MARCHF10: variants seen among roughly 807,000 people sequenced by gnomAD.
The protein encoded by MARCHF10 is probable E3 ubiquitin-protein ligase MARCHF10.
In MARCHF10, 64 loss-of-function variants were observed where a neutral mutation model predicts 76.2. The observed-to-expected ratio is 0.84, with a 90% confidence interval of 0.69 to 1.03. MARCHF10 has a LOEUF of 1.03. MARCHF10 is among the 50% of genes least tolerant of loss of function. The pLI is 0.00. For missense variants in MARCHF10, 875 were observed against 958.0 expected, an observed-to-expected ratio of 0.91 and a Z score of 1.14; for synonymous variants, 340 against 357.5, an observed-to-expected ratio of 0.95 and a Z score of 0.55.
intron 7 of MARCHF10, among the ~76,000 whole-genome samples, chr17:62,723,414 G>A (rs2090588755): frequency 6.6e-6 from 1 of 151,938 alleles, no homozygotes; most frequent in African/African-American, 2.4e-5. Flanking sequence ...TTACCTGCAT[G>A]TATTTGGTAA....
intron 1 of MARCHF10, 41 bp from the exon 2 acceptor site, chr17:62,801,793 T>G (rs1220781245): frequency 7.5e-6 from 10 of 1,335,688 alleles, no homozygotes; most frequent in Non-Finnish European, 1.1e-5. Flanking sequence ...GTTAGAGTCC[T>G]TTGTCGTGAT....
intron 4 of MARCHF10, among the ~76,000 whole-genome samples, chr17:62,751,175 G>A (rs1163508806): frequency 3.3e-5 from 5 of 152,264 alleles, no homozygotes; most frequent in East Asian, 1.9e-4. Flanking sequence ...GGCAGAATAC[G>A]GGTGCCTGAT....
intron 4 of MARCHF10, among the ~76,000 whole-genome samples, chr17:62,750,998 C>A (rs1187586114): frequency 3.3e-5 from 5 of 152,074 alleles, no homozygotes; most frequent in Non-Finnish European, 7.4e-5. Context: ...CTTTCTGCTG[C>A]GGAGGGGAAG....
chr17:62,771,318 C>T (rs2092442028), intron 3 of MARCHF10, among the ~76,000 whole-genome samples: 1 of 151,852 alleles, frequency 6.6e-6, no homozygotes, highest in South Asian at 2.1e-4. Context: ...GAAGTGACCT[C>T]AGCTGCAATC....
intron 3 of MARCHF10, among the ~76,000 whole-genome samples, chr17:62,786,878 C>T (rs1176756642): frequency 2.0e-5 from 3 of 152,178 alleles, no homozygotes; most frequent in Non-Finnish European, 4.4e-5. Context: ...TGCAGAGGCA[C>T]CCAGATGCCC....
At chr17:62,717,436 G>C (rs1369901722) in intron 8 of MARCHF10, among the ~76,000 whole-genome samples, 1 of 152,254 alleles carries the variant, frequency 6.6e-6, no homozygotes, top group Non-Finnish European at 1.5e-5. Context: ...AGCAATGACT[G>C]TGCTGGATGC....
At position 62,801,720 on chromosome 17, in the gene MARCHF10, T is replaced by C; in HGVS notation, c.16A>G (p.Arg6Gly). ...TCGCTGAAGAACTTCTGCCTGTCCC[T>C]TGCGTCATGCAACATGATTCCTAAT... Reference protein sequence around the residue: MLHDARDRQKFFSDVQ... With the variant: MLHDAGDRQKFFSDVQ... Residue 6 changes from arginine (R) to glycine (G), a missense_variant, in exon 2 of 11, where the codon AGG (arginine) becomes GGG (glycine). Physicochemically the swap from Arg to Gly is moderately radical, Grantham distance 125. Coordinates refer to ENST00000311269, the MANE Select transcript of MARCHF10 (RefSeq NM_152598.4). 3 of 1,614,100 alleles carry C rather than the reference T, an allele frequency of 1.9e-6. No individual in the cohort carries two copies. Among genetic ancestry groups the C allele is most frequent in the Non-Finnish European group, 2.5e-6 (3 of 1,179,942 alleles).
chr17:62,804,589 T>G (rs955625901), intron 1 of MARCHF10, among the ~76,000 whole-genome samples: 1 of 152,148 alleles, frequency 6.6e-6, no homozygotes, highest in Non-Finnish European at 1.5e-5. Context: ...CTGGGAGGGC[T>G]GCAGAAGGTT....
intron 2 of MARCHF10, among the ~76,000 whole-genome samples, chr17:62,792,135 C>G (rs978927623): frequency 1.3e-5 from 2 of 151,932 alleles, no homozygotes; most frequent in Admixed American, 6.6e-5. Context: ...CCCCCCACCC[C>G]CCTAGTGCGT....
intron 3 of MARCHF10, among the ~76,000 whole-genome samples, chr17:62,771,727 C>T (rs2092451902): frequency 6.6e-6 from 1 of 152,052 alleles, no homozygotes; most frequent in South Asian, 2.1e-4. Flanking sequence ...CAGGCGCACA[C>T]CACCATGCCC....
chr17:62,785,208 C>T (rs1429076411), intron 3 of MARCHF10, among the ~76,000 whole-genome samples: 1 of 152,138 alleles, frequency 6.6e-6, no homozygotes, highest in Non-Finnish European at 1.5e-5. Flanking sequence ...AAAGAGGCCT[C>T]AGAAATAACA....
intron 2 of MARCHF10, among the ~76,000 whole-genome samples, chr17:62,800,914 C>T (rs2093060872): frequency 6.6e-6 from 1 of 152,132 alleles, no homozygotes; most frequent in African/African-American, 2.4e-5. Flanking sequence ...ATGTGCAAAC[C>T]ACCTTTCTTC....
intron 10 of MARCHF10, chr17:62,703,272 C>T (rs1048535642): frequency 1.3e-5 from 2 of 152,344 alleles, no homozygotes; most frequent in Admixed American, 1.3e-4. Flanking sequence ...TCCTGTGTAC[C>T]TCAACCGAGC....
intron 3 of MARCHF10, chr17:62,780,898 G>A (rs2092646499): frequency 6.6e-6 from 1 of 152,120 alleles, no homozygotes; most frequent in Non-Finnish European, 1.5e-5. Context: ...GGAAATCGGG[G>A]CTCCTGTCCC....
At chr17:62,775,215 T>G (rs1461113081) in intron 3 of MARCHF10, among the ~76,000 whole-genome samples, 1 of 149,626 alleles carries the variant, frequency 6.7e-6, no homozygotes, top group African/African-American at 2.5e-5. Flanking sequence ...AACCTCTGCC[T>G]CTCGGGTTCA....
At chr17:62,759,787 A>G (rs761862966) in intron 4 of MARCHF10, 48 bp downstream of exon 4, 1 of 1,585,330 alleles carries the variant, frequency 6.3e-7, no homozygotes, top group Non-Finnish European at 8.6e-7. Flanking sequence ...TGTTATTTTT[A>G]ATACCGGGAT....
At position 62,722,548 on chromosome 17, in the gene MARCHF10, C is replaced by T. The variant is rs770359813; in HGVS notation, c.2154G>A (p.Leu718=). ...TGTTAAAGTCACCCAGGTCAACCAGCAGGCCTTGCTTACACATCTCACAGG... is the reference window on the plus strand; with the variant it reads ...TGTTAAAGTCACCCAGGTCAACCAGTAGGCCTTGCTTACACATCTCACAGG... ...VKTCEMCKQG[L]LVDLGDFNMI... is the part of the protein sequence containing the mutation. Residue 718 remains leucine (L), a synonymous_variant, in exon 8 of 11, where the codon CTG becomes CTA. Coordinates refer to ENST00000311269, the MANE Select transcript of MARCHF10 (RefSeq NM_152598.4). 2 of 1,613,998 alleles carry T rather than the reference C, an allele frequency of 1.2e-6. No individual in the cohort carries two copies. The highest frequency in any genetic ancestry group is 1.7e-6 in the Non-Finnish European group (2 of 1,179,964).
Position 62,724,925 on chromosome 17 carries a change from C to A in MARCHF10, c.2104+13G>T, listed in dbSNP as rs1226039125. On this transcript the variant is annotated intron_variant, in intron 7 of 10. Transcript: ENST00000311269. Reference sequence around the variant, plus strand: ...TGTCGTGGCACGTTCACTGCACTTCCTTCCCCACCTACCTGATGTTATTTT... The same window carrying A: ...TGTCGTGGCACGTTCACTGCACTTCATTCCCCACCTACCTGATGTTATTTT... 3.7e-6 allele frequency: 6 copies of A among 1,610,732 alleles called. No individual in the cohort carries two copies. The highest frequency in any genetic ancestry group is 5.1e-6 in the Non-Finnish European group (6 of 1,178,782).
rs2091385883 is a variant in MARCHF10 at position 62,738,567 on chromosome 17, G to T, written c.536-1235C>A. Among the ~76,000 whole-genome samples, 1 of 152,092 alleles carries T rather than the reference G, an allele frequency of 6.6e-6. No individual in the cohort carries two copies. Among genetic ancestry groups the T allele is most frequent in the African/African-American group, 2.4e-5 (1 of 41,394 alleles). Reference sequence around the variant, plus strand: ...CCTGTAGAGTGGACGGGACTCCACGGGCCCTGGAAGGTCTGTGTTGATAAC... The same window carrying T: ...CCTGTAGAGTGGACGGGACTCCACGTGCCCTGGAAGGTCTGTGTTGATAAC... On this transcript the variant is annotated intron_variant, in intron 5 of 10. Coordinates refer to ENST00000311269, the MANE Select transcript of MARCHF10 (RefSeq NM_152598.4). The surrounding 1 kb of genome is among the most constrained non-coding windows in gnomAD (Gnocchi z 4.0).
Sources: gnomAD v4.1 joint callset for allele counts (sites outside exome capture counted in the v4.1 genomes callset) on GRCh38, gnomAD v4.1.1 for gene constraint, Gnocchi (gnomAD v3.1) non-coding constraint, MANE v1.5 for transcripts, NCBI Gene and HGNC (gene_info 2026-07-23, HGNC 2026-07-21) for gene names.